DOCK4: variants seen among roughly 807,000 people sequenced by gnomAD.
DOCK4 encodes dedicator of cytokinesis protein 4.
A neutral mutation model predicts 268.1 loss-of-function variants in DOCK4; 97 were observed. The ratio of observed to expected loss-of-function variants is 0.36; its 90% CI spans 0.31 to 0.43. The LOEUF (loss-of-function observed/expected upper bound fraction) is 0.43, where lower values mean the gene tolerates loss of function less well. Ranked by LOEUF, DOCK4 falls within the 20% of genes least tolerant of loss-of-function variation. DOCK4 has a pLI of 1.00. For synonymous variants in DOCK4, 954 were observed against 887.2 expected (o/e 1.08, Z -1.34); for missense variants, 2,145 against 2,455.7 (o/e 0.87, Z 2.67).
In DOCK4 at chr7:111,989,005, CA is replaced by C; in HGVS notation, c.464+9del. The C allele has an allele frequency of 6.2e-7, 1 of 1,604,982 alleles. No homozygotes were observed. Among genetic ancestry groups the C allele is most frequent in the Non-Finnish European group, 8.5e-7 (1 of 1,175,380 alleles). On this transcript the variant is annotated intron_variant, in intron 6 of 52. Transcript: ENST00000428084. ...CTACTAGAGGCCGCCCTGTGATGCT[CA>C]ATACTCACTCATTGCCCCAGTCAAG... is the stretch of plus-strand genomic sequence containing the variant.
At chr7:111,804,756 C>G (rs1348586888) in intron 30 of DOCK4, among the ~76,000 whole-genome samples, 1 of 151,976 alleles carries the variant, frequency 6.6e-6, no homozygotes, top group Non-Finnish European at 1.5e-5. Flanking sequence ...TATGCCACCA[C>G]ACCCAGCTAA....
intron 1 of DOCK4, among the ~76,000 whole-genome samples, chr7:112,203,690 AACT>A (rs1821142268): frequency 6.6e-6 from 1 of 152,174 alleles, no homozygotes; most frequent in African/African-American, 2.4e-5. Context: ...CATCTGTAAG[AACT>A]ACATGAGAAA....
At chr7:112,146,471 C>T (rs1301539580) in intron 1 of DOCK4, among the ~76,000 whole-genome samples, 1 of 152,194 alleles carries the variant, frequency 6.6e-6, no homozygotes, top group Non-Finnish European at 1.5e-5. Flanking sequence ...GTGGCTCATG[C>T]CTGTAATCCC....
At chr7:111,894,738 G>A (rs555670867) in intron 16 of DOCK4, among the ~76,000 whole-genome samples, 20 of 152,330 alleles carry the variant, frequency 1.3e-4, no homozygotes, top group African/African-American at 3.8e-4. Context: ...GAAGTGGTGA[G>A]GAGTGAGGCA....
At chr7:111,944,954 A>T in intron 9 of DOCK4, 83 bp from the exon 10 acceptor site, 1 of 1,099,218 alleles carries the variant, frequency 9.1e-7, no homozygotes, top group Non-Finnish European at 1.4e-6. Context: ...CAAATAAAAG[A>T]AGAAAGAGAT....
chr7:111,786,296 C>T (rs761643456), intron 32 of DOCK4, among the ~76,000 whole-genome samples: 1 of 152,170 alleles, frequency 6.6e-6, no homozygotes. Flanking sequence ...CTACTGTATG[C>T]TTCCACAGCA....
rs183732356 is a variant in DOCK4, at chr7:112,127,932, G to A, written c.37+78170C>T. On this transcript the variant is annotated intron_variant, in intron 1 of 52. Transcript: ENST00000428084. Reference sequence around the variant, plus strand: ...TAATTCCAGCTACTCAAGAGGCTGAGGCAGGAGAATTGCTTGAACCCGGGA... The same window carrying A: ...TAATTCCAGCTACTCAAGAGGCTGAAGCAGGAGAATTGCTTGAACCCGGGA... 2.3e-3 allele frequency among the ~76,000 whole-genome samples: 350 copies of A among 152,304 alleles called. 3 individuals are homozygous for A. The highest frequency in any genetic ancestry group is 8.0e-3 in the African/African-American group (331 of 41,568).
intron 10 of DOCK4, among the ~76,000 whole-genome samples, chr7:111,944,456 G>A (rs1795454576): frequency 6.6e-6 from 1 of 152,110 alleles, no homozygotes; most frequent in Non-Finnish European, 1.5e-5. Context: ...TAACTTATAG[G>A]AAACTCAGCT....
At chr7:112,017,269 A>T (rs1362674835) in intron 1 of DOCK4, among the ~76,000 whole-genome samples, 1 of 152,242 alleles carries the variant, frequency 6.6e-6, no homozygotes, top group African/African-American at 2.4e-5. Flanking sequence ...TTAAAATAAG[A>T]CACTGGCTTC....
intron 16 of DOCK4, among the ~76,000 whole-genome samples, chr7:111,882,119 T>C (rs1807440270): frequency 6.6e-6 from 1 of 152,246 alleles, no homozygotes; most frequent in Admixed American, 6.5e-5. Flanking sequence ...CTTGAGGAGA[T>C]GGATACCCAA....
intron 16 of DOCK4, 53 bp downstream of exon 16, chr7:111,895,559 G>A: frequency 6.9e-7 from 1 of 1,445,142 alleles, no homozygotes. Flanking sequence ...ATAGTGAGGT[G>A]TTATTTCAGC....
intron 1 of DOCK4, among the ~76,000 whole-genome samples, chr7:112,161,135 T>C (rs1325420652): frequency 1.3e-5 from 2 of 152,208 alleles, no homozygotes; most frequent in Non-Finnish European, 2.9e-5. Flanking sequence ...TGGCGACCGC[T>C]AGTCAGTCTT....
At chr7:111,855,577 C>T (rs2134142173) in intron 23 of DOCK4, among the ~76,000 whole-genome samples, 1 of 152,126 alleles carries the variant, frequency 6.6e-6, no homozygotes, top group African/African-American at 2.4e-5. Flanking sequence ...TTTGGAGCTC[C>T]GAGGAGAGAT....
In DOCK4 at chr7:111,758,749, C is replaced by T. The variant is rs1312447128; in HGVS notation, c.4204G>A (p.Glu1402Lys). 15 of 1,613,978 alleles carry T rather than the reference C, an allele frequency of 9.3e-6. No individual in the cohort carries two copies. Among genetic ancestry groups the T allele is most frequent in the African/African-American group, 2.7e-5 (2 of 75,042 alleles). ...YAVTPIPESQ[E>K]VLQREGVPDN... ...GGAACACCCTCTCTCTGCAGGACCT[C>T]CTGGCTCTCTGGAATGGGAGTCACA... Residue 1402 changes from glutamate to lysine, a missense_variant, in exon 41 of 53, where the codon GAG becomes AAG. Glu to Lys is a moderately conservative substitution (Grantham distance 56). Transcript: ENST00000428084.
intron 1 of DOCK4, among the ~76,000 whole-genome samples, chr7:112,162,625 C>T (rs1021343544): frequency 1.3e-5 from 2 of 151,864 alleles, no homozygotes; most frequent in Admixed American, 1.3e-4. Flanking sequence ...GCAAAAGCAA[C>T]GGAGTCCTAA....
chr7:112,066,622 A>G (rs1317662258), intron 1 of DOCK4, among the ~76,000 whole-genome samples: 1 of 129,306 alleles, frequency 7.7e-6, no homozygotes, highest in Non-Finnish European at 1.6e-5. Context: ...ATACATATAT[A>G]CGTGTATATA....
intron 1 of DOCK4, among the ~76,000 whole-genome samples, chr7:112,043,537 T>C (rs190521734): frequency 1.3e-5 from 2 of 152,172 alleles, no homozygotes; most frequent in Admixed American, 1.3e-4. Flanking sequence ...ATGGAGAGAA[T>C]GAAGTGTCAC....
intron 22 of DOCK4, 136 bp from the exon 23 acceptor site, chr7:111,863,700 T>A: frequency 2.1e-6 from 2 of 963,900 alleles, no homozygotes; most frequent in Non-Finnish European, 2.9e-6. Context: ...TTCTGTTACC[T>A]AAAGCTAAAA....
intron 8 of DOCK4, among the ~76,000 whole-genome samples, chr7:111,961,041 C>A (rs1444955068): frequency 1.3e-5 from 2 of 152,134 alleles, no homozygotes; most frequent in Non-Finnish European, 2.9e-5. Flanking sequence ...TAGATGCATG[C>A]ACGGGGGTTG....
Sources: gnomAD v4.1 joint callset for allele counts (sites outside exome capture counted in the v4.1 genomes callset) on GRCh38, gnomAD v4.1.1 for gene constraint, MANE v1.5 for transcripts, NCBI Gene and HGNC (gene_info 2026-07-23, HGNC 2026-07-21) for gene names.